Variants in LYST observed in about 807,000 individuals in gnomAD.
LYST encodes lysosomal trafficking regulator.
LYST carries 192 observed loss-of-function variants against 413.6 expected under a neutral mutation model. That is an observed-to-expected ratio of 0.46 (90% CI 0.41 to 0.52). LYST has a LOEUF of 0.52. Ranked by LOEUF, LYST falls within the 20% of genes least tolerant of loss-of-function variation. The pLI is 0.00. For missense variants in LYST, 3,815 were observed against 4,499.9 expected (o/e 0.85, Z 4.35); for synonymous variants, 1,525 against 1,567.3 (o/e 0.97, Z 0.64).
chr1:235,880,967 A>C (rs547312637), intron 1 of LYST, among the ~76,000 whole-genome samples: 1 of 152,162 alleles, frequency 6.6e-6, no homozygotes, highest in Non-Finnish European at 1.5e-5. Flanking sequence ...CTCTACAAAA[A>C]ATAAAAAAAT....
chr1:235,773,582 G>A (rs1455613450), intron 19 of LYST, among the ~76,000 whole-genome samples: 1 of 152,150 alleles, frequency 6.6e-6, no homozygotes, highest in Non-Finnish European at 1.5e-5. Context: ...CTACTTATAT[G>A]AGATCCTTAG....
intron 37 of LYST, 26 bp from the exon 38 acceptor site, chr1:235,728,157 G>A (rs1664059267): frequency 6.5e-7 from 1 of 1,535,756 alleles, no homozygotes; most frequent in South Asian, 1.1e-5. Flanking sequence ...GGATATAAGG[G>A]TTTTAAAATG....
intron 1 of LYST, among the ~76,000 whole-genome samples, chr1:235,873,217 A>T (rs1231546663): frequency 1.3e-5 from 2 of 152,194 alleles, no homozygotes; most frequent in Non-Finnish European, 2.9e-5. Flanking sequence ...GACCTTTCCA[A>T]CCAACTAAAA....
In LYST at chr1:235,724,017, G is replaced by C; in HGVS notation, c.9315+11C>G. The stretch of plus-strand genomic sequence containing the variant: ...TAAACAATATATATCAATTAATAAG[G>C]GTGAATTTACCTTGGTGTTATCAAA... On this transcript the variant is annotated intron_variant, in intron 39 of 52. Coordinates refer to ENST00000389793, the MANE Select transcript of LYST (RefSeq NM_000081.4). The C allele has an allele frequency of 6.2e-7, 1 of 1,609,746 alleles. No homozygotes were observed. The highest frequency in any genetic ancestry group is 8.5e-7 in the Non-Finnish European group (1 of 1,176,296).
upstream of LYST, among the ~76,000 whole-genome samples, chr1:235,868,416 T>A (rs1266783406): frequency 6.6e-6 from 1 of 152,212 alleles, no homozygotes; most frequent in East Asian, 1.9e-4. Flanking sequence ...TACCTAAAGC[T>A]GTGTCTACTC....
Position 235,791,842 on chromosome 1 carries a change from G to A in LYST, c.4400C>T (p.Pro1467Leu), listed in dbSNP as rs1376521908. 1 of 1,614,018 alleles carries A rather than the reference G, an allele frequency of 6.2e-7. No homozygotes were observed. Among genetic ancestry groups the A allele is most frequent in the East Asian group, 2.2e-5 (1 of 44,890 alleles). The change falls in exon 12 of 53, where the codon CCA (proline) becomes CTA (leucine). Residue 1467 changes from proline to leucine, a missense_variant. Pro to Leu is a moderately conservative substitution (Grantham distance 98). Transcript: ENST00000389793. Reference sequence around the variant, plus strand: ...AACACTGAAACCTTCTGATAGGTGTGGCCAGCAGTTTTGCCCCAGCAACGG... The same window carrying A: ...AACACTGAAACCTTCTGATAGGTGTAGCCAGCAGTTTTGCCCCAGCAACGG... ...HLPLLGQNCW[P>L]HLSEGFSVSL...
rs911026809 is a variant in LYST, at chr1:235,715,474, T to C, written c.9628-117A>G. The C allele has an allele frequency of 3.1e-5, 29 of 940,034 alleles. No individual in the cohort carries two copies. In the African/African-American group the frequency reaches 4.1e-4, roughly 13 times the overall value. 58.2% of individuals were successfully genotyped at this position (940,034 alleles called of 1,614,324 possible). A position where few individuals can be genotyped will look rare whatever the true frequency, so the allele number is the denominator to read the frequency against. ...ACTACCCCTTTGAGGCCATTCTCCA[T>C]GGCTGGCCCTCCCACTCTTACCCAG... On this transcript the variant is annotated intron_variant, in intron 41 of 52. Coordinates refer to ENST00000389793, the MANE Select transcript of LYST (RefSeq NM_000081.4).
intron 3 of LYST, among the ~76,000 whole-genome samples, chr1:235,826,977 T>C (rs142223913): frequency 7.2e-5 from 11 of 152,270 alleles, no homozygotes; most frequent in Admixed American, 6.5e-4. Flanking sequence ...GGTGTATTTG[T>C]CACTATTCAT....
intron 20 of LYST, 68 bp downstream of exon 20, chr1:235,770,092 T>G (rs1668520407): frequency 6.8e-7 from 1 of 1,479,030 alleles, no homozygotes; most frequent in East Asian, 2.3e-5. Flanking sequence ...CCACAAAAAT[T>G]TGATGTTCAT....
chr1:235,731,335 T>C (rs939675764), intron 34 of LYST, among the ~76,000 whole-genome samples, 158 bp from the exon 35 acceptor site: 8 of 152,172 alleles, frequency 5.3e-5, no homozygotes, highest in African/African-American at 1.9e-4. Context: ...CATATACAAG[T>C]AGAAGTAATA....
At chr1:235,707,286 A>AT (rs527984393) in intron 44 of LYST, among the ~76,000 whole-genome samples, 9 of 150,882 alleles carry the variant, frequency 6.0e-5, no homozygotes, top group African/African-American at 7.3e-5. Context: ...AAGAGGTAAG[A>AT]TTTTTTTTTT....
rs915765942 is a variant in LYST at position 235,793,394 on chromosome 1, C to T, written c.4116+109G>A. The T allele has an allele frequency of 3.9e-4, 231 of 597,636 alleles. 2 individuals are homozygous for T. The highest frequency in any genetic ancestry group is 7.4e-5 in the Non-Finnish European group (25 of 337,140). The allele number at this position is 597,636 out of a possible 1,614,324, so 37.0% of individuals were successfully genotyped here. A position where few individuals can be genotyped will look rare whatever the true frequency, so the allele number is the denominator to read the frequency against. On this transcript the variant is annotated intron_variant, in intron 11 of 52. Coordinates refer to ENST00000389793, the MANE Select transcript of LYST (RefSeq NM_000081.4). ...AAATTGCCTATACCAACTGTCACAT[C>T]AAAAGAAAGAGCTTAGTAACATTTC... is the stretch of plus-strand genomic sequence containing the variant.
At chr1:235,747,158 C>A in intron 28 of LYST, 1 of 406,292 alleles carries the variant, frequency 2.5e-6, no homozygotes, top group South Asian at 1.8e-5. Context: ...CATTCCTGCA[C>A]CATTACTGCA....
At chr1:235,679,156 A>G (rs1056532197) in intron 48 of LYST, among the ~76,000 whole-genome samples, 3 of 152,228 alleles carry the variant, frequency 2.0e-5, no homozygotes, top group Admixed American at 2.0e-4. Flanking sequence ...CTTCACCTGA[A>G]AACAATCACA....
chr1:235,736,350 G>A (rs1186750011), intron 31 of LYST: 1 of 152,112 alleles, frequency 6.6e-6, no homozygotes, highest in Non-Finnish European at 1.5e-5. Context: ...ACTACAGAAA[G>A]GGAGAAAGGT....
chr1:235,723,741 T>A (rs1238156427), intron 39 of LYST, among the ~76,000 whole-genome samples: 1 of 152,088 alleles, frequency 6.6e-6, no homozygotes, highest in African/African-American at 2.4e-5. Flanking sequence ...AGCAGAGAAA[T>A]GGTGGCCGAA....
chr1:235,761,987 G>T lies in LYST; in HGVS notation c.6253+733C>A, dbSNP rs12121627. 1.4e-3 allele frequency among the ~76,000 whole-genome samples: 166 copies of T among 117,896 alleles called. 7 individuals carry two copies. Among genetic ancestry groups the T allele is most frequent in the African/African-American group, 4.5e-3 (145 of 32,076 alleles). 77.3% of individuals were successfully genotyped at this position (117,896 alleles called of 152,430 possible). The stretch of plus-strand genomic sequence containing the variant: ...AGGGCCTGTTGTCGGGTGGGGGGAG[G>T]GGGGAGGGATAGCATTAGGAGATAT... On this transcript the variant is annotated intron_variant, in intron 22 of 52. Coordinates refer to ENST00000389793, the MANE Select transcript of LYST (RefSeq NM_000081.4).
At chr1:235,754,718 A>AT (rs200850318) in intron 25 of LYST, among the ~76,000 whole-genome samples, 1,600 of 152,156 alleles carry the variant, frequency 0.011, 27 homozygotes, top group African/African-American at 0.037. Context: ...CTTTTAGCAG[A>AT]TTTTTTCTAA....
intron 1 of LYST, among the ~76,000 whole-genome samples, chr1:235,846,212 C>T (rs1458208792): frequency 2.0e-5 from 3 of 151,992 alleles, no homozygotes; most frequent in Non-Finnish European, 2.9e-5. Flanking sequence ...GTGTAGACAA[C>T]CCCCAGTACC....
Sources: gnomAD v4.1 joint callset for allele counts (sites outside exome capture counted in the v4.1 genomes callset) on GRCh38, gnomAD v4.1.1 for gene constraint, MANE v1.5 for transcripts, NCBI Gene and HGNC (gene_info 2026-07-23, HGNC 2026-07-21) for gene names.